Variants in RFX6 observed in about 807,000 individuals in gnomAD.
RFX6 encodes DNA-binding protein RFX6.
A neutral mutation model predicts 110.8 loss-of-function variants in RFX6; 50 were observed. The observed-to-expected ratio is 0.45, with a 90% CI of 0.36 to 0.57. RFX6 has a LOEUF of 0.57. Among genes scored for constraint, RFX6 ranks in the 20% least tolerant of loss-of-function variants. RFX6 has a pLI of 0.00. For missense variants in RFX6, 990 were observed against 1,127.0 expected (o/e 0.88, Z 1.74); for synonymous variants, 383 against 411.2 (o/e 0.93, Z 0.83).
At chr6:116,897,370 T>C (rs932695705) in intron 6 of RFX6, among the ~76,000 whole-genome samples, 3 of 152,140 alleles carry the variant, frequency 2.0e-5, no homozygotes, top group Non-Finnish European at 4.4e-5. Context: ...CCCCTTGTCG[T>C]GACAACCAAA....
rs1775889619 is a variant in RFX6 at position 116,931,689 on chromosome 6, G to A, written c.*183G>A. 1 of 580,550 alleles carries A rather than the reference G, an allele frequency of 1.7e-6. No homozygotes were observed. The allele number at this position is 580,550 out of a possible 1,614,324, so 36.0% of individuals were successfully genotyped here. A position where few individuals can be genotyped will look rare whatever the true frequency, so the allele number is the denominator to read the frequency against. On this transcript the variant is annotated 3_prime_UTR_variant, in exon 19 of 19. Transcript: ENST00000332958. ...TGGAGATACTTGCAGAGCTTGTCAT[G>A]CACACTAAGAGTTTAAAATGTGAGC... is the stretch of plus-strand genomic sequence containing the variant.
chr6:116,921,943 A>G, intron 12 of RFX6, 99 bp from the exon 13 acceptor site: 3 of 682,444 alleles, frequency 4.4e-6, no homozygotes, highest in East Asian at 2.6e-5. Context: ...CATGCTATCA[A>G]AGTATTGATG....
chr6:116,917,686 G>A (rs535995985), intron 9 of RFX6, among the ~76,000 whole-genome samples: 20 of 152,164 alleles, frequency 1.3e-4, no homozygotes, highest in African/African-American at 4.8e-4. Context: ...GGCACAGTGA[G>A]CTCTGTAAGT....
Position 116,925,478 on chromosome 6 carries a change from T to C in RFX6, c.1704T>C (p.Ala568=). ...ATGCGAGTAAAGCTGCTTTCACTGC[T>C]TCTCCGAGTTCATGCTTTCTGGCCA... ...NSDASKAAFT[A]SPSSCFLANR... The change falls in exon 16 of 19, where the codon GCT becomes GCC. Residue 568 remains alanine (A), a synonymous_variant. Coordinates refer to ENST00000332958, the MANE Select transcript of RFX6 (RefSeq NM_173560.4). 1 of 1,614,164 alleles carries C rather than the reference T, an allele frequency of 6.2e-7. No homozygotes were observed. Among genetic ancestry groups the C allele is most frequent in the Admixed American group, 1.7e-5 (1 of 60,026 alleles).
At chr6:116,902,659 A>C (rs1012094147) in intron 6 of RFX6, among the ~76,000 whole-genome samples, 1 of 151,990 alleles carries the variant, frequency 6.6e-6, no homozygotes, top group Admixed American at 6.6e-5. Flanking sequence ...AGTTGACATT[A>C]TTTCTTAGGG....
chr6:116,918,107 A>G lies in RFX6; in HGVS notation c.1022+21A>G, dbSNP rs749913626. ...GAAAGGTATGTTCAGTTAATAAAACATGAGCATTCCTAGTATAGGATTTAA... is the reference window on the plus strand; with the variant it reads ...GAAAGGTATGTTCAGTTAATAAAACGTGAGCATTCCTAGTATAGGATTTAA... On this transcript the variant is annotated intron_variant, in intron 10 of 18. Coordinates refer to ENST00000332958, the MANE Select transcript of RFX6 (RefSeq NM_173560.4). The G allele has an allele frequency of 1.2e-5, 19 of 1,546,814 alleles. No individual in the cohort carries two copies. In the South Asian group the frequency reaches 2.1e-4, roughly 17 times the overall value.
chr6:116,912,888 C>T (rs1382450581), intron 7 of RFX6, among the ~76,000 whole-genome samples: 2 of 152,080 alleles, frequency 1.3e-5, no homozygotes, highest in African/African-American at 2.4e-5. Context: ...GCTTTTATAA[C>T]CCTTGGTTTC....
intron 18 of RFX6, among the ~76,000 whole-genome samples, chr6:116,930,667 A>G (rs945764529): frequency 6.6e-6 from 1 of 152,086 alleles, no homozygotes; most frequent in African/African-American, 2.4e-5. Context: ...TGAAGATCTG[A>G]GGGAGGAGTT....
Position 116,931,613 on chromosome 6 carries a change from T to C in RFX6, c.*107T>C. 1.2e-6 allele frequency: 1 copy of C among 825,894 alleles called. No individual in the cohort carries two copies. Among genetic ancestry groups the C allele is most frequent in the Non-Finnish European group, 1.9e-6 (1 of 516,068 alleles). The allele number at this position is 825,894 out of a possible 1,614,324, so 51.2% of individuals were successfully genotyped here. A position where few individuals can be genotyped will look rare whatever the true frequency, so the allele number is the denominator to read the frequency against. On this transcript the variant is annotated 3_prime_UTR_variant, in exon 19 of 19. Coordinates refer to ENST00000332958, the MANE Select transcript of RFX6 (RefSeq NM_173560.4). ...AGAGTAAATAAAAATGAATATGCAGTGGCTGACATTGTTTTAAAGTCACTG... is the reference window on the plus strand; with the variant it reads ...AGAGTAAATAAAAATGAATATGCAGCGGCTGACATTGTTTTAAAGTCACTG...
intron 1 of RFX6, 132 bp from the exon 2 acceptor site, chr6:116,877,664 T>C (rs1774492099): frequency 3.7e-6 from 4 of 1,084,938 alleles, no homozygotes; most frequent in East Asian, 5.1e-5. Flanking sequence ...CCTGACATTT[T>C]GCATAGCCCC....
At chr6:116,912,180 T>C (rs1341053196) in intron 7 of RFX6, among the ~76,000 whole-genome samples, 1 of 152,094 alleles carries the variant, frequency 6.6e-6, no homozygotes, top group Non-Finnish European at 1.5e-5. Flanking sequence ...TGGAGACTAC[T>C]GCTGGGGAAG....
intron 11 of RFX6, among the ~76,000 whole-genome samples, chr6:116,919,830 T>C (rs974998927): frequency 6.6e-6 from 1 of 152,180 alleles, no homozygotes; most frequent in Admixed American, 6.5e-5. Context: ...ATTTGTATAT[T>C]GTTAAAATAT....
chr6:116,886,923 C>T (rs761212539), intron 4 of RFX6, among the ~76,000 whole-genome samples: 20 of 151,760 alleles, frequency 1.3e-4, no homozygotes, highest in Non-Finnish European at 2.1e-4. Context: ...ATTAGCTGGG[C>T]GTGGTGGTGC....
At chr6:116,891,477 G>T (rs1582514438) in intron 4 of RFX6, among the ~76,000 whole-genome samples, 1 of 152,312 alleles carries the variant, frequency 6.6e-6, no homozygotes, top group East Asian at 1.9e-4. Flanking sequence ...CTAAAATGTA[G>T]TATTTAAACT....
At chr6:116,888,305 A>C (rs1321348663) in intron 4 of RFX6, among the ~76,000 whole-genome samples, 1 of 152,242 alleles carries the variant, frequency 6.6e-6, no homozygotes, top group Admixed American at 6.5e-5. Flanking sequence ...GTAGTAAAAA[A>C]AGAACAGCAA....
chr6:116,922,257 TAA>T, intron 13 of RFX6, 106 bp downstream of exon 13: 1 of 726,016 alleles, frequency 1.4e-6, no homozygotes, highest in Non-Finnish European at 2.5e-6. Context: ...GCTGTGTGTG[TAA>T]AGGCTTTGAA....
chr6:116,928,714 C>T, intron 17 of RFX6, 45 bp from the exon 18 acceptor site: 1 of 1,409,442 alleles, frequency 7.1e-7, no homozygotes, highest in Non-Finnish European at 1.0e-6. Context: ...CCTGAAAGTT[C>T]TTTGTAGTAA....
Position 116,927,476 on chromosome 6 carries a change from T to C in RFX6, c.2335T>C (p.Phe779Leu). ...MQFLNTGSFN[F>L]LSNTGAASCQ... Reference sequence around the variant, plus strand: ...GTTTTTAAATACAGGAAGCTTCAATTTCTTGAGCAACACAGGAGCTGCCAG... The same window carrying C: ...GTTTTTAAATACAGGAAGCTTCAATCTCTTGAGCAACACAGGAGCTGCCAG... Residue 779 changes from phenylalanine to leucine, a missense_variant, in exon 17 of 19, where the codon TTC becomes CTC. Transcript: ENST00000332958. 6.2e-7 allele frequency: 1 copy of C among 1,614,078 alleles called. No homozygotes were observed. Among genetic ancestry groups the C allele is most frequent in the Non-Finnish European group, 8.5e-7 (1 of 1,179,994 alleles).
At chr6:116,882,569 G>GAAAAAAA (rs34335008) in intron 4 of RFX6, 141 bp downstream of exon 4, 1 of 430,302 alleles carries the variant, frequency 2.3e-6, no homozygotes. Flanking sequence ...TGTGAGAACT[G>GAAAAAAA]AAAAAAAAAA....
Sources: allele counts gnomAD v4.1 joint callset (sites outside exome capture counted in the v4.1 genomes callset), GRCh38; gene constraint gnomAD v4.1.1; transcripts MANE v1.5; gene names NCBI Gene and HGNC (gene_info 2026-07-23, HGNC 2026-07-21).